The following NALF2 variants were observed in gnomAD, a reference collection of about 807,000 sequenced individuals.
NALF2 encodes NALCN channel auxiliary factor 2.
A neutral mutation model predicts 24.8 loss-of-function variants in NALF2; 1 was observed. The observed-to-expected ratio is 0.04, with a 90% CI of 0.01 to 0.19. NALF2 has a LOEUF of 0.19. Among genes scored for constraint, NALF2 ranks in the 10% least tolerant of loss-of-function variants. The pLI is 1.00. For synonymous variants in NALF2, 254 were observed against 189.8 expected (o/e 1.34, Z -2.78); for missense variants, 458 against 409.6 (o/e 1.12, Z -1.02).
chrX:69,520,771 C>T (rs1455969484), intron 1 of NALF2, among the ~76,000 whole-genome samples: 1 of 112,056 alleles, frequency 8.9e-6, no homozygotes, highest in Non-Finnish European at 1.9e-5. Flanking sequence ...ATCTCTCCCT[C>T]TCTCTCATTC....
At chrX:69,528,001 T>TTG (rs1569260675) in intron 1 of NALF2, among the ~76,000 whole-genome samples, 68 of 110,259 alleles carry the variant, frequency 6.2e-4, no homozygotes, top group African/African-American at 2.2e-3. Context: ...TGTTGTTGTT[T>TTG]TTTTTTTTGG....
chrX:69,505,763 A>T lies in NALF2; in HGVS notation c.481A>T (p.Thr161Ser). The T allele has an allele frequency of 1.8e-5, 22 of 1,209,491 alleles. No homozygotes were observed. The highest frequency in any genetic ancestry group is 2.3e-5 in the Non-Finnish European group (21 of 894,681). Residue 161 changes from threonine to serine, a missense_variant, in exon 1 of 3, where the codon ACT becomes TCT. By Grantham distance (58) the Thr-to-Ser change is moderately conservative. Coordinates refer to ENST00000252338, the MANE Select transcript of NALF2 (RefSeq NM_015686.3). ...TTTGCAGAGACTTTTCGAACCGACT[A>T]CTCCGGCCCCCCCTCTGCGGCCCCC... is the stretch of plus-strand genomic sequence containing the variant. ...QSLQRLFEPT[T>S]PAPPLRPPDS... is the part of the protein sequence containing the mutation.
chrX:69,530,420 C>T lies in NALF2; in HGVS notation c.*464C>T, dbSNP rs1319885917. 1.7e-5 allele frequency: 2 copies of T among 118,608 alleles called. No individual in the cohort carries two copies. Among genetic ancestry groups the T allele is most frequent in the African/African-American group, 6.4e-5 (2 of 31,195 alleles). The allele number at this position is 118,608 out of a possible 1,213,427, so 9.8% of individuals were successfully genotyped here. A position where few individuals can be genotyped will look rare whatever the true frequency, so the allele number is the denominator to read the frequency against. ...TCCCTCCTGCCCATATCCCTACAGG[C>T]GACGGCAGACAGTGCAATGGCCCTC... On this transcript the variant is annotated 3_prime_UTR_variant, in exon 3 of 3. Transcript: ENST00000252338.
chrX:69,525,519 C>G (rs1048627896), intron 1 of NALF2, among the ~76,000 whole-genome samples: 11 of 109,966 alleles, frequency 1.0e-4, no homozygotes, highest in Non-Finnish European at 1.7e-4. Context: ...CTTGCGCTCT[C>G]TTATTCCTCT....
intron 1 of NALF2, among the ~76,000 whole-genome samples, chrX:69,511,464 C>T (rs760230133): frequency 5.0e-4 from 56 of 111,872 alleles, no homozygotes; most frequent in African/African-American, 1.6e-3. Context: ...TCCCTTCTCT[C>T]GTTACCATTC....
intron 1 of NALF2, among the ~76,000 whole-genome samples, chrX:69,513,101 A>G (rs73634197): frequency 0.066 from 7,353 of 111,229 alleles, 626 homozygotes; most frequent in African/African-American, 0.23. Flanking sequence ...GCCTGGAGGG[A>G]AGGTATCTCT....
At chrX:69,516,145 G>A (rs1031991742) in intron 1 of NALF2, among the ~76,000 whole-genome samples, 11 of 112,304 alleles carry the variant, frequency 9.8e-5, no homozygotes, top group African/African-American at 3.6e-4. Context: ...GGAAAGTGTG[G>A]ATCAGGGAAG....
chrX:69,505,974 T>C lies in NALF2; in HGVS notation c.692T>C (p.Val231Ala), dbSNP rs767373488. 9.9e-6 allele frequency: 12 copies of C among 1,209,852 alleles called. No individual in the cohort carries two copies. The African/African-American group carries it at 1.2e-4, about 12-fold the overall frequency. ...LDTLMGDLLA[V>A]VASPGSGAWE... Reference sequence around the variant, plus strand: ...ACCCTGATGGGGGACCTGCTGGCCGTGGTGGCCAGCCCGGGCTCCGGGGCC... The same window carrying C: ...ACCCTGATGGGGGACCTGCTGGCCGCGGTGGCCAGCCCGGGCTCCGGGGCC... The change falls in exon 1 of 3, where the codon GTG becomes GCG. Residue 231 changes from valine to alanine, a missense_variant. Physicochemically the swap from Val to Ala is moderately conservative, Grantham distance 64. Transcript: ENST00000252338.
chrX:69,524,532 C>A (rs1479552272), intron 1 of NALF2, among the ~76,000 whole-genome samples: 1 of 111,617 alleles, frequency 9.0e-6, no homozygotes, highest in Non-Finnish European at 1.9e-5. Context: ...CCTTTCCCTG[C>A]ATCCCTTGCC....
chrX:69,523,894 G>C (rs1266051932), intron 1 of NALF2, among the ~76,000 whole-genome samples: 6 of 111,618 alleles, frequency 5.4e-5, no homozygotes, highest in Non-Finnish European at 7.5e-5. Flanking sequence ...ACTGTTGCTG[G>C]TAGGATTGTT....
At chrX:69,526,954 T>C (rs1297839752) in intron 1 of NALF2, among the ~76,000 whole-genome samples, 5 of 111,810 alleles carry the variant, frequency 4.5e-5, no homozygotes, top group African/African-American at 1.6e-4. Context: ...AGCAAAGGAG[T>C]AACATGAGTC....
chrX:69,512,571 G>A (rs987381113), intron 1 of NALF2, among the ~76,000 whole-genome samples: 3 of 111,672 alleles, frequency 2.7e-5, no homozygotes, highest in Non-Finnish European at 3.8e-5. Flanking sequence ...AGAAAATTGC[G>A]AGTCTTTGAG....
intron 1 of NALF2, among the ~76,000 whole-genome samples, chrX:69,521,166 G>A (rs143585185): frequency 8.1e-4 from 91 of 111,752 alleles, no homozygotes; most frequent in African/African-American, 2.7e-3. Context: ...CCCACTTTGC[G>A]CCCTCTAACT....
At chrX:69,512,210 T>C (rs1231678029) in intron 1 of NALF2, among the ~76,000 whole-genome samples, 1 of 111,966 alleles carries the variant, frequency 8.9e-6, no homozygotes, top group African/African-American at 3.3e-5. Flanking sequence ...GGAATGGGTA[T>C]GTTTGCGTTT....
At chrX:69,528,713 A>C (rs942766391) in intron 1 of NALF2, among the ~76,000 whole-genome samples, 3 of 112,323 alleles carry the variant, frequency 2.7e-5, no homozygotes, top group Non-Finnish European at 5.6e-5. Context: ...GGCTCCTTCC[A>C]GTTCTGACCT....
chrX:69,508,209 T>A (rs781308370), intron 1 of NALF2, among the ~76,000 whole-genome samples: 5 of 111,820 alleles, frequency 4.5e-5, no homozygotes, highest in Admixed American at 9.5e-5. Context: ...CATCTGACAT[T>A]AATGTAATGC....
chrX:69,526,604 CAA>C (rs1930811718), intron 1 of NALF2, among the ~76,000 whole-genome samples: 1 of 111,713 alleles, frequency 9.0e-6, no homozygotes, highest in African/African-American at 3.3e-5. Context: ...AGGAACAAAA[CAA>C]GAGTGCAGAG....
rs1454738533 is a variant in NALF2 at position 69,504,918 on chromosome X, G to A, written c.-365G>A. On this transcript the variant is annotated 5_prime_UTR_variant, in exon 1 of 3. Transcript: ENST00000252338. ...GCGGCCGCCGGCGCGGAGTGAAGTG[G>A]CACGGAGCCGAGGGCAGCTGAGGGG... Among the ~76,000 whole-genome samples the A allele has an allele frequency of 3.7e-5, 4 of 107,472 alleles. No homozygotes were observed. Among genetic ancestry groups the A allele is most frequent in the Non-Finnish European group, 5.9e-5 (3 of 51,142 alleles). The allele number at this position is 107,472 out of a possible 115,157, so 93.3% of individuals were successfully genotyped here.
intron 1 of NALF2, among the ~76,000 whole-genome samples, chrX:69,506,873 T>C (rs1265452522): frequency 1.8e-5 from 2 of 112,207 alleles, no homozygotes. Context: ...ATGGTGACAG[T>C]GGGGGGAACA....
Sources: allele counts gnomAD v4.1 joint callset (sites outside exome capture counted in the v4.1 genomes callset), GRCh38; gene constraint gnomAD v4.1.1; transcripts MANE v1.5; gene names NCBI Gene and HGNC (gene_info 2026-07-23, HGNC 2026-07-21).